DGKH: variants seen among roughly 807,000 people sequenced by gnomAD.
DGKH encodes diacylglycerol kinase eta.
In DGKH, 90 loss-of-function variants were observed where a neutral mutation model predicts 159.3. The ratio of observed to expected loss-of-function variants is 0.57; its 90% CI spans 0.48 to 0.67. DGKH has a LOEUF of 0.67. Ranked by LOEUF, DGKH falls within the 30% of genes least tolerant of loss-of-function variation. DGKH has a pLI of 0.00. For missense variants in DGKH, 1,181 were observed against 1,506.1 expected, an observed-to-expected ratio of 0.78 and a Z score of 3.57; for synonymous variants, 536 against 553.8, an observed-to-expected ratio of 0.97 and a Z score of 0.45.
At chr13:42,207,446 C>T (rs9594707) in intron 21 of DGKH, among the ~76,000 whole-genome samples, 24,369 of 151,272 alleles carry the variant, frequency 0.16, 2,202 homozygotes, top group South Asian at 0.27. Flanking sequence ...CCACCTCGGC[C>T]TCCCAAAGTC....
chr13:42,071,574 G>A (rs1397161970), intron 1 of DGKH, among the ~76,000 whole-genome samples: 1 of 152,214 alleles, frequency 6.6e-6, no homozygotes, highest in African/African-American at 2.4e-5. Context: ...AGCACTATTT[G>A]CGTTTTGCTT....
chr13:42,080,853 A>G (rs1954186501), intron 1 of DGKH, among the ~76,000 whole-genome samples: 1 of 152,098 alleles, frequency 6.6e-6, no homozygotes, highest in African/African-American at 2.4e-5. Context: ...GCTTTTTATA[A>G]GATTTTATTT....
chr13:42,171,502 G>A (rs1050577190), intron 11 of DGKH, among the ~76,000 whole-genome samples: 5 of 152,184 alleles, frequency 3.3e-5, no homozygotes, highest in Admixed American at 1.3e-4. Context: ...TATCGAGTGG[G>A]GAGGTATAGC....
chr13:42,178,707 TG>T (rs1956669698), intron 13 of DGKH, among the ~76,000 whole-genome samples: 1 of 152,220 alleles, frequency 6.6e-6, no homozygotes, highest in Admixed American at 6.5e-5. Flanking sequence ...AAGTTGATTT[TG>T]TACATGGAGC....
chr13:42,106,220 C>G (rs1954752407), intron 1 of DGKH, among the ~76,000 whole-genome samples: 1 of 152,094 alleles, frequency 6.6e-6, no homozygotes, highest in Non-Finnish European at 1.5e-5. Context: ...GTTGGCCAGG[C>G]TGGTCTTCAA....
chr13:42,095,314 C>T (rs1954504345), intron 1 of DGKH, among the ~76,000 whole-genome samples: 1 of 152,070 alleles, frequency 6.6e-6, no homozygotes, highest in East Asian at 1.9e-4. Flanking sequence ...AGGCACCTGC[C>T]ACCATGCCTG....
intron 1 of DGKH, among the ~76,000 whole-genome samples, chr13:42,071,737 C>T (rs1882982485): frequency 6.6e-6 from 1 of 152,220 alleles, no homozygotes; most frequent in South Asian, 2.1e-4. Flanking sequence ...CGGGACTTCT[C>T]TGACTCATCA....
At position 42,181,653 on chromosome 13, in the gene DGKH, T is replaced by C. The variant is rs868385645; in HGVS notation, c.1538+3433T>C. 17 of 337,806 alleles carry C rather than the reference T, an allele frequency of 5.0e-5. 1 individual carries two copies. Among genetic ancestry groups the C allele is most frequent in the South Asian group, 1.5e-4 (7 of 45,310 alleles). 20.9% of individuals were successfully genotyped at this position (337,806 alleles called of 1,614,324 possible). On this transcript the variant is annotated intron_variant, in intron 13 of 29. Transcript: ENST00000337343. ...GATGTCAGGCCTTGTGAGCCCAGCA[T>C]TACTTCCTCTGTTTAAGCCACCCCA...
chr13:42,114,429 A>G (rs1204662305), intron 1 of DGKH, among the ~76,000 whole-genome samples: 1 of 140,922 alleles, frequency 7.1e-6, no homozygotes, highest in African/African-American at 2.8e-5. Context: ...TATCATTACT[A>G]AGAGCTATTA....
intron 11 of DGKH, among the ~76,000 whole-genome samples, chr13:42,172,501 A>T (rs936125949): frequency 5.9e-5 from 9 of 152,192 alleles, no homozygotes; most frequent in Admixed American, 2.0e-4. Flanking sequence ...TTGAATTTTT[A>T]TGCAAATATT....
At chr13:42,156,662 A>G (rs1956054982) in intron 5 of DGKH, among the ~76,000 whole-genome samples, 1 of 152,190 alleles carries the variant, frequency 6.6e-6, no homozygotes, top group Non-Finnish European at 1.5e-5. Flanking sequence ...TTTGAACTAT[A>G]TATGATAATA....
intron 3 of DGKH, among the ~76,000 whole-genome samples, chr13:42,143,216 G>A (rs1021672450): frequency 3.3e-5 from 5 of 152,158 alleles, no homozygotes; most frequent in Admixed American, 6.5e-5. Flanking sequence ...ATTTGCGTAT[G>A]TTGAACCAGC....
intron 3 of DGKH, among the ~76,000 whole-genome samples, chr13:42,142,560 C>G (rs1484978474): frequency 6.6e-6 from 1 of 151,846 alleles, no homozygotes; most frequent in Non-Finnish European, 1.5e-5. Context: ...TTTGTATCCT[C>G]TTTTATTTCA....
Position 42,229,123 on chromosome 13 carries a change from C to A in DGKH, c.3598C>A (p.His1200Asn). Reference protein sequence around the residue: ...LKDLGIPKVGHVKRILQGIKE... With the variant: ...LKDLGIPKVGNVKRILQGIKE... ...GGATCTGGGGATACCGAAAGTGGGTCATGTGAAGCGAATTCTCCAGGGAAT... is the reference window on the plus strand; with the variant it reads ...GGATCTGGGGATACCGAAAGTGGGTAATGTGAAGCGAATTCTCCAGGGAAT... Residue 1200 changes from histidine (H) to asparagine (N), a missense_variant, in exon 30 of 30, where the codon CAT becomes AAT. Coordinates refer to ENST00000337343, the MANE Select transcript of DGKH (RefSeq NM_178009.5). 6.2e-7 allele frequency: 1 copy of A among 1,611,048 alleles called. No homozygotes were observed. The highest frequency in any genetic ancestry group is 8.5e-7 in the Non-Finnish European group (1 of 1,179,192).
intron 3 of DGKH, among the ~76,000 whole-genome samples, chr13:42,151,578 T>TACAC (rs60281789): frequency 0.014 from 1,341 of 93,814 alleles, 17 homozygotes; most frequent in African/African-American, 0.031. Flanking sequence ...CTTATATGTA[T>TACAC]ACACACACAC....
chr13:42,174,105 C>T lies in DGKH; in HGVS notation c.1413C>T (p.Ser471=). The T allele has an allele frequency of 6.2e-7, 1 of 1,613,706 alleles. No homozygotes were observed. Among genetic ancestry groups the T allele is most frequent in the South Asian group, 1.1e-5 (1 of 91,064 alleles). The change falls in exon 12 of 30, where the codon TCC becomes TCT. Residue 471 remains serine, a synonymous_variant. Transcript: ENST00000337343. ...TYELKLPPKA[S]LLPGPPEASE... ...AACTCAAATTGCCACCAAAAGCTTC[C>T]CTACTTCCAGGACCTCCAGAAGCAT... is the stretch of plus-strand genomic sequence containing the variant.
intron 5 of DGKH, among the ~76,000 whole-genome samples, chr13:42,158,051 G>A (rs1041505917): frequency 6.6e-6 from 1 of 152,324 alleles, no homozygotes; most frequent in East Asian, 1.9e-4. Flanking sequence ...GAGCCACTGT[G>A]CCTGGCCTAG....
At chr13:42,050,966 G>A (rs1319437970) in intron 1 of DGKH, among the ~76,000 whole-genome samples, 2 of 152,182 alleles carry the variant, frequency 1.3e-5, no homozygotes, top group Non-Finnish European at 2.9e-5. Context: ...TATACTGTTC[G>A]AAAGAAAACT....
At chr13:42,056,176 T>C (rs1881742434) in intron 1 of DGKH, among the ~76,000 whole-genome samples, 1 of 152,232 alleles carries the variant, frequency 6.6e-6, no homozygotes, top group African/African-American at 2.4e-5. Context: ...GGTGATAGTA[T>C]TAAATTAGGA....
Sources: gnomAD v4.1 joint callset for allele counts (sites outside exome capture counted in the v4.1 genomes callset) on GRCh38, gnomAD v4.1.1 for gene constraint, MANE v1.5 for transcripts, NCBI Gene and HGNC (gene_info 2026-07-23, HGNC 2026-07-21) for gene names.